Variants in PDCD1LG2 observed in about 807,000 individuals in gnomAD.
The protein encoded by PDCD1LG2 is programmed cell death 1 ligand 2, also known as B7 dendritic cell molecule.
In PDCD1LG2, 32 loss-of-function variants were observed where a neutral mutation model predicts 28.2. That is an observed-to-expected ratio of 1.13 (90% CI 0.86 to 1.52). The LOEUF (loss-of-function observed/expected upper bound fraction) is 1.52. Among genes scored for constraint, PDCD1LG2 ranks in the 40% most tolerant of loss-of-function variants. The pLI is 0.00. For synonymous variants in PDCD1LG2, 116 were observed against 120.2 expected (o/e 0.97, Z 0.23); for missense variants, 385 against 323.8 (o/e 1.19, Z -1.45).
intron 3 of PDCD1LG2, among the ~76,000 whole-genome samples, chr9:5,546,496 A>C (rs7028800): frequency 0.16 from 23,836 of 152,196 alleles, 2,446 homozygotes; most frequent in East Asian, 0.28. Context: ...TGATTATGAA[A>C]GATAGGCCAA....
intron 2 of PDCD1LG2, among the ~76,000 whole-genome samples, chr9:5,533,302 A>G (rs557821868): frequency 6.6e-6 from 1 of 152,330 alleles, no homozygotes; most frequent in South Asian, 2.1e-4. Context: ...TTATTGATGT[A>G]ACACTACCTT....
chr9:5,525,769 C>G (rs1201738374), intron 2 of PDCD1LG2, among the ~76,000 whole-genome samples: 1 of 152,028 alleles, frequency 6.6e-6, no homozygotes, highest in Admixed American at 6.6e-5. Flanking sequence ...AAAGAAGAGG[C>G]CGGGCATGGT....
At chr9:5,530,965 G>T (rs901752721) in intron 2 of PDCD1LG2, among the ~76,000 whole-genome samples, 11 of 152,210 alleles carry the variant, frequency 7.2e-5, no homozygotes, top group African/African-American at 2.7e-4. Flanking sequence ...ACACTTTGAA[G>T]GCAAGGTGGT....
At chr9:5,521,332 C>T (rs1331081769) in intron 1 of PDCD1LG2, among the ~76,000 whole-genome samples, 1 of 152,140 alleles carries the variant, frequency 6.6e-6, no homozygotes, top group Non-Finnish European at 1.5e-5. Context: ...ATACTAAAAA[C>T]CACAGAGTCG....
chr9:5,558,582 T>G (rs1245795531), intron 5 of PDCD1LG2, among the ~76,000 whole-genome samples: 1 of 152,340 alleles, frequency 6.6e-6, no homozygotes, highest in East Asian at 1.9e-4. Flanking sequence ...AATAATTCAG[T>G]AGGAGTTTGC....
At chr9:5,566,577 T>A (rs150940409) in intron 6 of PDCD1LG2, among the ~76,000 whole-genome samples, 456 of 152,326 alleles carry the variant, frequency 3.0e-3, no homozygotes, top group Non-Finnish European at 5.5e-3. Flanking sequence ...AATTGCTCCA[T>A]CAGTCTCAGT....
chr9:5,526,436 AATT>A (rs1820381122), intron 2 of PDCD1LG2, among the ~76,000 whole-genome samples: 1 of 152,004 alleles, frequency 6.6e-6, no homozygotes, highest in Admixed American at 6.6e-5. Flanking sequence ...ACCTTTTTTA[AATT>A]AAAACAAAAC....
In PDCD1LG2 at chr9:5,563,245, C is replaced by G. The variant is rs149789772; in HGVS notation, c.816+34C>G. 4.7e-4 allele frequency: 736 copies of G among 1,560,336 alleles called. 8 individuals carry two copies. The African/African-American group carries it at 9.0e-3, about 19-fold the overall frequency. The stretch of plus-strand genomic sequence containing the variant: ...GCATGATTTTTACTTTTCTTTCTTA[C>G]TTTCTTTTCTCTCTCAGCTTGAATT... On this transcript the variant is annotated intron_variant, in intron 6 of 6. Transcript: ENST00000397747.
Position 5,551,982 on chromosome 9 carries a change from T to C in PDCD1LG2, c.631+2378T>C, listed in dbSNP as rs149246029. On this transcript the variant is annotated intron_variant, in intron 4 of 6. Transcript: ENST00000397747. ...CAGTTGATATTTGTTGTCTCACTCA[T>C]CCACCATACATTCCAGATTTCCCTC... Among the ~76,000 whole-genome samples, 361 of 152,320 alleles carry C rather than the reference T, an allele frequency of 2.4e-3. 2 individuals carry two copies. The highest frequency in any genetic ancestry group is 8.2e-3 in the African/African-American group (339 of 41,570).
At position 5,566,069 on chromosome 9, in the gene PDCD1LG2, A is replaced by G. The variant is rs139601365; in HGVS notation, c.816+2858A>G. Among the ~76,000 whole-genome samples the G allele has an allele frequency of 2.3e-3, 356 of 152,140 alleles. 2 individuals carry two copies. Among genetic ancestry groups the G allele is most frequent in the African/African-American group, 8.2e-3 (342 of 41,502 alleles). On this transcript the variant is annotated intron_variant, in intron 6 of 6. Transcript: ENST00000397747. ...TTCTCTGCCATCCCAGTTCTATCTC[A>G]TCCCAAAACCATCCATTATGAGGAG...
chr9:5,548,487 C>T (rs1816257199), intron 3 of PDCD1LG2, among the ~76,000 whole-genome samples: 1 of 152,208 alleles, frequency 6.6e-6, no homozygotes, highest in Admixed American at 6.5e-5. Context: ...CTTCAACATA[C>T]TAAATTCAAT....
intron 1 of PDCD1LG2, among the ~76,000 whole-genome samples, chr9:5,519,093 G>A (rs968870865): frequency 1.3e-5 from 2 of 152,172 alleles, no homozygotes; most frequent in African/African-American, 4.8e-5. Flanking sequence ...AGGTGGGTGG[G>A]GGGTGCGCAA....
intron 1 of PDCD1LG2, among the ~76,000 whole-genome samples, chr9:5,515,307 G>C (rs1352379891): frequency 6.6e-6 from 1 of 152,182 alleles, no homozygotes; most frequent in Non-Finnish European, 1.5e-5. Flanking sequence ...GAGGTGGCAT[G>C]GTTGTTTGAA....
chr9:5,562,524 C>A (rs1207321273), intron 5 of PDCD1LG2, among the ~76,000 whole-genome samples: 1 of 152,102 alleles, frequency 6.6e-6, no homozygotes, highest in African/African-American at 2.4e-5. Flanking sequence ...AATAAAAAAG[C>A]TGCATATTGA....
chr9:5,553,993 C>T (rs536608076), intron 4 of PDCD1LG2, among the ~76,000 whole-genome samples: 1 of 152,258 alleles, frequency 6.6e-6, no homozygotes, highest in South Asian at 2.1e-4. Context: ...TTATTTCCCT[C>T]TCTACTAGCT....
At chr9:5,548,223 G>T (rs1816252122) in intron 3 of PDCD1LG2, among the ~76,000 whole-genome samples, 1 of 152,098 alleles carries the variant, frequency 6.6e-6, no homozygotes, top group Non-Finnish European at 1.5e-5. Flanking sequence ...TACTTTTTTA[G>T]ATTTCACAAA....
intron 3 of PDCD1LG2, among the ~76,000 whole-genome samples, chr9:5,543,142 C>T (rs6476987): frequency 0.031 from 4,697 of 152,238 alleles, 237 homozygotes; most frequent in African/African-American, 0.1. Flanking sequence ...TGTATGCTCT[C>T]ACTCATAAGT....
In PDCD1LG2 at chr9:5,543,830, A is replaced by C. The variant is rs1820740621; in HGVS notation, c.362-5505A>C. On this transcript the variant is annotated intron_variant, in intron 3 of 6. Transcript: ENST00000397747. ...CACGTTTTTTAAAAATAAAGAAAGA[A>C]ATTATTTTAAAAAAGAAAACAATGT... 1.4e-5 allele frequency among the ~76,000 whole-genome samples: 2 copies of C among 141,130 alleles called. 1 individual carries two copies. Among genetic ancestry groups the C allele is most frequent in the Admixed American group, 1.5e-4 (2 of 13,202 alleles). 92.6% of individuals were successfully genotyped at this position (141,130 alleles called of 152,430 possible). A position where few individuals can be genotyped will look rare whatever the true frequency, so the allele number is the denominator to read the frequency against.
intron 3 of PDCD1LG2, among the ~76,000 whole-genome samples, chr9:5,542,855 T>A (rs1222436337): frequency 1.4e-5 from 2 of 146,376 alleles, no homozygotes; most frequent in African/African-American, 5.3e-5. Context: ...AAGAAGTCAT[T>A]ATACAAAAAA....
Sources: gnomAD v4.1 joint callset for allele counts (sites outside exome capture counted in the v4.1 genomes callset) on GRCh38, gnomAD v4.1.1 for gene constraint, MANE v1.5 for transcripts, NCBI Gene and HGNC (gene_info 2026-07-23, HGNC 2026-07-21) for gene names.